Variants in COMMD1 observed in about 807,000 individuals in gnomAD.
The protein encoded by COMMD1 is COMM domain-containing protein 1.
In COMMD1, 10 loss-of-function variants were observed where a neutral mutation model predicts 17.2. That is an observed-to-expected ratio of 0.58 (90% CI 0.36 to 0.99). The LOEUF is 0.99. Among genes scored for constraint, COMMD1 ranks in the 50% least tolerant of loss-of-function variants. The pLI, the probability that COMMD1 is intolerant of heterozygous loss-of-function variation, is 0.01. For missense variants in COMMD1, 270 were observed against 231.8 expected (o/e 1.17, Z -1.07); for synonymous variants, 97 against 91.6 (o/e 1.06, Z -0.34).
intron 2 of COMMD1, among the ~76,000 whole-genome samples, chr2:62,020,189 G>C (rs1261884641): frequency 6.6e-6 from 1 of 152,202 alleles, no homozygotes; most frequent in African/African-American, 2.4e-5. Context: ...TAACCAAGAT[G>C]CAATGATTGG....
At chr2:62,078,292 G>A (rs1044413558) in intron 2 of COMMD1, among the ~76,000 whole-genome samples, 2 of 145,446 alleles carry the variant, frequency 1.4e-5, no homozygotes, top group Non-Finnish European at 3.0e-5. Flanking sequence ...GGTAGCTCAT[G>A]CCTGTAATCC....
intron 2 of COMMD1, among the ~76,000 whole-genome samples, chr2:62,107,371 T>C (rs1672346820): frequency 6.6e-6 from 1 of 152,198 alleles, no homozygotes; most frequent in Non-Finnish European, 1.5e-5. Flanking sequence ...GAATCATTTG[T>C]TGCAGAAGAA....
At chr2:61,924,610 AG>A (rs1670280125) in intron 1 of COMMD1, among the ~76,000 whole-genome samples, 1 of 152,132 alleles carries the variant, frequency 6.6e-6, no homozygotes, top group African/African-American at 2.4e-5. Flanking sequence ...GACAGAGGGA[AG>A]GGCAGTTACA....
At chr2:61,950,587 G>A (rs891253591) in intron 1 of COMMD1, among the ~76,000 whole-genome samples, 9 of 152,238 alleles carry the variant, frequency 5.9e-5, no homozygotes, top group Non-Finnish European at 8.8e-5. Flanking sequence ...TCACTTTTTC[G>A]CTTAAAGGAA....
At chr2:61,959,190 T>A (rs1671276196) in intron 1 of COMMD1, among the ~76,000 whole-genome samples, 1 of 152,206 alleles carries the variant, frequency 6.6e-6, no homozygotes, top group Non-Finnish European at 1.5e-5. Context: ...CTCATGTGAA[T>A]TGTCTTTTCG....
chr2:61,946,201 T>C (rs1024788059), intron 1 of COMMD1, among the ~76,000 whole-genome samples: 15 of 152,156 alleles, frequency 9.9e-5, no homozygotes, highest in East Asian at 3.9e-4. Context: ...ATAAACCTAA[T>C]TAAAAAAAAT....
At chr2:62,083,756 ATT>A (rs993316395) in intron 2 of COMMD1, among the ~76,000 whole-genome samples, 10 of 152,218 alleles carry the variant, frequency 6.6e-5, no homozygotes, top group Non-Finnish European at 1.3e-4. Flanking sequence ...AGAAGGAGAG[ATT>A]TTTAGAGGAT....
intron 2 of COMMD1, among the ~76,000 whole-genome samples, chr2:62,026,470 C>G (rs1445020363): frequency 6.6e-6 from 1 of 152,168 alleles, no homozygotes; most frequent in Non-Finnish European, 1.5e-5. Context: ...AAGGATCTGC[C>G]CCCTCGACCC....
chr2:61,942,593 G>A lies in COMMD1; in HGVS notation c.180+36735G>A, dbSNP rs559110092. 1.4e-3 allele frequency among the ~76,000 whole-genome samples: 202 copies of A among 148,168 alleles called. 1 individual carries two copies. The highest frequency in any genetic ancestry group is 2.5e-3 in the Non-Finnish European group (171 of 67,260). On this transcript the variant is annotated intron_variant, in intron 1 of 2. Transcript: ENST00000311832. ...CTCACTCTGTTGCCCAGGCTGAAGGGCAGTGGTGTGATCTTGGCTCATTGC... is the reference window on the plus strand; with the variant it reads ...CTCACTCTGTTGCCCAGGCTGAAGGACAGTGGTGTGATCTTGGCTCATTGC...
chr2:62,002,188 T>C (rs1374942208), intron 2 of COMMD1, among the ~76,000 whole-genome samples: 1 of 148,800 alleles, frequency 6.7e-6, no homozygotes, highest in African/African-American at 2.5e-5. Context: ...AAATTTTTTT[T>C]AAATAATAAA....
intron 2 of COMMD1, among the ~76,000 whole-genome samples, chr2:62,019,097 T>TTCC (rs1419110403): frequency 4.6e-5 from 5 of 109,458 alleles, no homozygotes; most frequent in African/African-American, 1.8e-4. Context: ...TTTCTCTCTC[T>TTCC]CTCTTCCCTC....
chr2:62,008,408 C>T (rs950840232), intron 2 of COMMD1, among the ~76,000 whole-genome samples: 2 of 151,798 alleles, frequency 1.3e-5, no homozygotes, highest in African/African-American at 4.8e-5. Flanking sequence ...TTGTTTATAC[C>T]TGTGTATGTG....
intron 2 of COMMD1, among the ~76,000 whole-genome samples, chr2:62,035,088 A>G (rs1452625866): frequency 6.6e-6 from 1 of 152,084 alleles, no homozygotes; most frequent in Non-Finnish European, 1.5e-5. Flanking sequence ...GTGCAGGTCT[A>G]AGCTTGAAGA....
chr2:62,063,448 C>G (rs943754225), intron 2 of COMMD1, among the ~76,000 whole-genome samples: 8 of 151,996 alleles, frequency 5.3e-5, no homozygotes, highest in African/African-American at 1.9e-4. Flanking sequence ...CCTCAGCCTC[C>G]CAAAGTGCTG....
At chr2:61,913,994 A>AC (rs1669983657) in intron 1 of COMMD1, among the ~76,000 whole-genome samples, 1 of 151,496 alleles carries the variant, frequency 6.6e-6, no homozygotes, top group South Asian at 2.1e-4. Context: ...ACATGGGGAA[A>AC]CCCCGTCTGT....
chr2:61,918,834 TTAA>T (rs1444760182), intron 1 of COMMD1, among the ~76,000 whole-genome samples: 4 of 152,298 alleles, frequency 2.6e-5, no homozygotes, highest in Non-Finnish European at 4.4e-5. Context: ...TTTTTTTGTC[TTAA>T]TAAAACACCC....
intron 2 of COMMD1, among the ~76,000 whole-genome samples, chr2:62,003,875 C>T (rs1262566557): frequency 6.6e-6 from 1 of 152,178 alleles, no homozygotes; most frequent in Non-Finnish European, 1.5e-5. Context: ...CTTCTGTAAT[C>T]TCAGTACTTT....
intron 1 of COMMD1, among the ~76,000 whole-genome samples, chr2:61,927,180 T>A (rs1362685498): frequency 6.6e-6 from 1 of 152,140 alleles, no homozygotes; most frequent in Non-Finnish European, 1.5e-5. Context: ...AATAGAAAAA[T>A]AACTGACTAC....
chr2:61,966,901 C>T (rs891509041), intron 1 of COMMD1, among the ~76,000 whole-genome samples: 6 of 152,072 alleles, frequency 3.9e-5, no homozygotes, highest in African/African-American at 1.4e-4. Flanking sequence ...CCCGGGCATA[C>T]ACAACAGTGG....
Sources: gnomAD v4.1 joint callset for allele counts (sites outside exome capture counted in the v4.1 genomes callset) on GRCh38, gnomAD v4.1.1 for gene constraint, MANE v1.5 for transcripts, NCBI Gene and HGNC (gene_info 2026-07-23, HGNC 2026-07-21) for gene names.